The following KIAA2012 variants were observed in gnomAD, a reference collection of about 807,000 sequenced individuals.
KIAA2012 encodes KIAA2012.
In KIAA2012, 125 loss-of-function variants were observed where a neutral mutation model predicts 150.6. That is an observed-to-expected ratio of 0.83 (90% CI 0.72 to 0.96). The LOEUF (loss-of-function observed/expected upper bound fraction) is 0.96. Among genes scored for constraint, KIAA2012 ranks in the 40% least tolerant of loss-of-function variants. KIAA2012 has a pLI of 0.00. For synonymous variants in KIAA2012, 462 were observed against 504.7 expected, an observed-to-expected ratio of 0.92 and a Z score of 1.13; for missense variants, 1,219 against 1,354.9, an observed-to-expected ratio of 0.90 and a Z score of 1.57.
chr2:202,197,130 C>G, intron 22 of KIAA2012, 111 bp downstream of exon 22: 1 of 1,489,004 alleles, frequency 6.7e-7, no homozygotes, highest in Non-Finnish European at 9.0e-7. Context: ...CCCCCCACCC[C>G]CAGCATGGCT....
At chr2:202,192,351 T>C (rs1692337804) in intron 19 of KIAA2012, among the ~76,000 whole-genome samples, 1 of 152,080 alleles carries the variant, frequency 6.6e-6, no homozygotes, top group East Asian at 1.9e-4. Flanking sequence ...ACAACCTTCC[T>C]ATAAACTGAA....
At chr2:202,198,174 CAAAAAAA>C (rs1009971980) in intron 22 of KIAA2012, among the ~76,000 whole-genome samples, 4 of 67,134 alleles carry the variant, frequency 6.0e-5, no homozygotes, top group Non-Finnish European at 8.0e-5. Flanking sequence ...GGCTCTTTCT[CAAAAAAA>C]AAAAAAAAAA....
intron 9 of KIAA2012, among the ~76,000 whole-genome samples, chr2:202,108,472 C>T (rs187419880): frequency 1.3e-5 from 2 of 152,344 alleles, no homozygotes; most frequent in Admixed American, 6.5e-5. Context: ...CAGGATCATG[C>T]ATTACATTTA....
At chr2:202,117,358 C>A (rs1690552706) in intron 11 of KIAA2012, among the ~76,000 whole-genome samples, 1 of 152,178 alleles carries the variant, frequency 6.6e-6, no homozygotes, top group African/African-American at 2.4e-5. Context: ...GACTGTTCTC[C>A]CATTTTTCCT....
intron 10 of KIAA2012, among the ~76,000 whole-genome samples, chr2:202,110,967 T>C (rs1463219267): frequency 6.6e-6 from 1 of 152,210 alleles, no homozygotes; most frequent in Non-Finnish European, 1.5e-5. Context: ...CCTAGAGACG[T>C]TGTTTTCACC....
intron 4 of KIAA2012, among the ~76,000 whole-genome samples, chr2:202,095,745 C>A (rs1689853575): frequency 6.6e-6 from 1 of 152,070 alleles, no homozygotes; most frequent in East Asian, 1.9e-4. Context: ...TCTCTGTATC[C>A]CCCTACTCAC....
chr2:202,129,284 A>G (rs1488183519), intron 12 of KIAA2012, among the ~76,000 whole-genome samples: 1 of 151,456 alleles, frequency 6.6e-6, no homozygotes, highest in African/African-American at 2.4e-5. Context: ...CAGTGGCACA[A>G]TCTTGGCTCA....
At chr2:202,186,205 T>G (rs1692223615) in intron 16 of KIAA2012, among the ~76,000 whole-genome samples, 1 of 152,138 alleles carries the variant, frequency 6.6e-6, no homozygotes, top group Non-Finnish European at 1.5e-5. Flanking sequence ...CTGAATTTGA[T>G]CAAGGATAGA....
intron 14 of KIAA2012, among the ~76,000 whole-genome samples, chr2:202,162,581 C>CTTT (rs890834084): frequency 8.3e-6 from 1 of 120,862 alleles, no homozygotes; most frequent in Non-Finnish European, 1.8e-5. Flanking sequence ...GGCCCAGAGT[C>CTTT]TTTTTTTTTT....
At chr2:202,203,206 C>T (rs1311193402) in intron 23 of KIAA2012, among the ~76,000 whole-genome samples, 1 of 152,106 alleles carries the variant, frequency 6.6e-6, no homozygotes, top group Non-Finnish European at 1.5e-5. Flanking sequence ...CAAAGTATTT[C>T]ATTTCAGTCA....
rs1325856192 is a variant in KIAA2012, at chr2:202,104,393, T to C, written c.1324+1279T>C. Among the ~76,000 whole-genome samples the C allele has an allele frequency of 6.6e-6, 1 of 152,170 alleles. No homozygotes were observed. The highest frequency in any genetic ancestry group is 1.9e-4 in the East Asian group (1 of 5,204). On this transcript the variant is annotated intron_variant, in intron 8 of 23. Transcript: ENST00000498697. The surrounding 1 kb of genome is among the most constrained non-coding windows in gnomAD (Gnocchi z 4.3). Reference sequence around the variant, plus strand: ...CAGGAGACAGTTGGCACTGAAAAGATAGTTTGTTACTCACAGTTCCAAGAG... The same window carrying C: ...CAGGAGACAGTTGGCACTGAAAAGACAGTTTGTTACTCACAGTTCCAAGAG...
At chr2:202,096,503 G>C (rs1028663196) in intron 4 of KIAA2012, among the ~76,000 whole-genome samples, 2 of 152,198 alleles carry the variant, frequency 1.3e-5, no homozygotes, top group Non-Finnish European at 2.9e-5. Flanking sequence ...TGGAGGGAGG[G>C]AGTAGCCCCA....
intron 18 of KIAA2012, among the ~76,000 whole-genome samples, chr2:202,189,291 GA>G (rs1164854803): frequency 6.6e-6 from 1 of 150,950 alleles, no homozygotes; most frequent in Non-Finnish European, 1.5e-5. Flanking sequence ...GAGTGAAATA[GA>G]ACCTTTTTTT....
intron 7 of KIAA2012, among the ~76,000 whole-genome samples, chr2:202,101,592 T>C (rs1159784351): frequency 2.0e-5 from 3 of 152,230 alleles, no homozygotes; most frequent in African/African-American, 7.2e-5. Flanking sequence ...AGTTTTTAAT[T>C]AGGATAAAGA....
intron 11 of KIAA2012, 45 bp downstream of exon 11, chr2:202,113,491 A>G: frequency 7.3e-7 from 1 of 1,377,838 alleles, no homozygotes; most frequent in Non-Finnish European, 9.9e-7. Context: ...TTTTTTTCAA[A>G]GGGGAAGATG....
At chr2:202,195,686 C>A (rs1252378595) in intron 21 of KIAA2012, among the ~76,000 whole-genome samples, 1 of 152,146 alleles carries the variant, frequency 6.6e-6, no homozygotes, top group African/African-American at 2.4e-5. Context: ...CTCCACCAAC[C>A]CCCTACCCTT....
chr2:202,155,040 G>C (rs534217468), intron 14 of KIAA2012, among the ~76,000 whole-genome samples: 6 of 152,212 alleles, frequency 3.9e-5, no homozygotes, highest in Non-Finnish European at 8.8e-5. Flanking sequence ...TTGGGTGGTG[G>C]GGGACAGGGA....
In KIAA2012 at chr2:202,099,670, A is replaced by G. The variant is rs982663969; in HGVS notation, c.886A>G (p.Lys296Glu). 2 of 1,550,496 alleles carry G rather than the reference A, an allele frequency of 1.3e-6. No homozygotes were observed. The highest frequency in any genetic ancestry group is 2.0e-5 in the Admixed American group (1 of 51,008). Residue 296 changes from lysine to glutamate, a missense_variant, in exon 6 of 24, where the codon AAG (lysine) becomes GAG (glutamate). By Grantham distance (56) the Lys-to-Glu change is moderately conservative. Coordinates refer to ENST00000498697, the MANE Select transcript of KIAA2012 (RefSeq NM_001277372.4). ...TGCTTCAAAGGAGAGCTACAATGAA[A>G]AGACACAGCAAACCTCCAGGAAGGC... is the stretch of plus-strand genomic sequence containing the variant. ...LYASKESYNEKTQQTSRKAFG... is the reference protein window; with the variant it reads ...LYASKESYNEETQQTSRKAFG...
intron 12 of KIAA2012, among the ~76,000 whole-genome samples, chr2:202,132,756 G>GTGTATATATAGTATATATGTATATATA (rs1690975646): frequency 1.1e-5 from 1 of 87,784 alleles, no homozygotes; most frequent in Admixed American, 1.4e-4. Flanking sequence ...TAGTATATAT[G>GTGTATATATAGTATATATGTATATATA]TATATATATA....
Sources: gnomAD v4.1 joint callset for allele counts (sites outside exome capture counted in the v4.1 genomes callset) on GRCh38, gnomAD v4.1.1 for gene constraint, Gnocchi (gnomAD v3.1) non-coding constraint, MANE v1.5 for transcripts, NCBI Gene and HGNC (gene_info 2026-07-23, HGNC 2026-07-21) for gene names.